Variants in RPN2 observed in about 807,000 individuals in gnomAD.
The protein encoded by RPN2 is ribophorin II.
Under a neutral mutation model 71.4 loss-of-function variants are expected in RPN2, and 29 were observed. That is an observed-to-expected ratio of 0.41 (90% confidence interval 0.30 to 0.55). The LOEUF is 0.55. Among genes scored for constraint, RPN2 ranks in the 20% least tolerant of loss-of-function variants. RPN2 has a pLI of 0.35. For synonymous variants in RPN2, 308 were observed against 305.0 expected, an observed-to-expected ratio of 1.01 and a Z score of -0.10; for missense variants, 726 against 774.1, an observed-to-expected ratio of 0.94 and a Z score of 0.74.
At chr20:37,235,901 C>T (rs922621322) in intron 15 of RPN2, among the ~76,000 whole-genome samples, 1 of 152,200 alleles carries the variant, frequency 6.6e-6, no homozygotes, top group South Asian at 2.1e-4. Context: ...CCTTCTGCCT[C>T]GGCCTCCCAA....
chr20:37,181,340 C>G (rs560965433), intron 1 of RPN2, among the ~76,000 whole-genome samples: 2 of 152,206 alleles, frequency 1.3e-5, no homozygotes, highest in African/African-American at 4.8e-5. Flanking sequence ...TTTGCTTATT[C>G]CACTCAAGCT....
chr20:37,216,308 C>T (rs191045134), intron 9 of RPN2, among the ~76,000 whole-genome samples: 319 of 152,220 alleles, frequency 2.1e-3, no homozygotes, highest in African/African-American at 7.3e-3. Flanking sequence ...CACCGCACTC[C>T]AGCCTGGGCA....
chr20:37,213,925 T>C, intron 9 of RPN2, 60 bp downstream of exon 9: 1 of 1,200,604 alleles, frequency 8.3e-7, no homozygotes, highest in Non-Finnish European at 1.2e-6. Context: ...ATGGCCAAAT[T>C]GACACAGTAT....
At chr20:37,223,008 A>C (rs1414454408) in intron 9 of RPN2, among the ~76,000 whole-genome samples, 1 of 152,190 alleles carries the variant, frequency 6.6e-6, no homozygotes, top group African/African-American at 2.4e-5. Context: ...TTTTTTCCCC[A>C]CGCTAGATTC....
intron 2 of RPN2, among the ~76,000 whole-genome samples, chr20:37,193,193 C>G (rs2067183929): frequency 6.6e-6 from 1 of 152,122 alleles, no homozygotes; most frequent in African/African-American, 2.4e-5. Flanking sequence ...TAATCTCACT[C>G]TACTCCTTAA....
At chr20:37,218,751 A>T (rs1289205745) in intron 9 of RPN2, among the ~76,000 whole-genome samples, 1 of 152,126 alleles carries the variant, frequency 6.6e-6, no homozygotes. Context: ...CATTTTGTGT[A>T]AATGAAATCA....
chr20:37,235,362 A>G (rs958398808), intron 15 of RPN2, among the ~76,000 whole-genome samples: 1 of 152,136 alleles, frequency 6.6e-6, no homozygotes. Flanking sequence ...ACGTTTTCTC[A>G]TTTGATTATC....
intron 12 of RPN2, 165 bp from the exon 13 acceptor site, chr20:37,229,808 A>C: frequency 1.5e-6 from 1 of 673,868 alleles, no homozygotes. Context: ...TTTTGTTCTT[A>C]AAGTTTTTAC....
chr20:37,204,038 A>G, intron 5 of RPN2, 78 bp downstream of exon 5: 3 of 992,752 alleles, frequency 3.0e-6, no homozygotes, highest in Admixed American at 1.8e-5. Context: ...ATAGCCATGC[A>G]TGATCTGTTA....
At chr20:37,208,219 G>A (rs2067562859) in intron 7 of RPN2, among the ~76,000 whole-genome samples, 1 of 150,794 alleles carries the variant, frequency 6.6e-6, no homozygotes, top group Non-Finnish European at 1.5e-5. Flanking sequence ...GCAGTGAGCC[G>A]AGACTGCACC....
intron 8 of RPN2, among the ~76,000 whole-genome samples, 175 bp from the exon 9 acceptor site, chr20:37,213,585 C>T (rs995485255): frequency 6.6e-6 from 1 of 151,706 alleles, no homozygotes; most frequent in South Asian, 2.1e-4. Flanking sequence ...GAGAACCTGT[C>T]TCAAAATAAA....
intron 12 of RPN2, among the ~76,000 whole-genome samples, chr20:37,229,558 A>G (rs1017824686): frequency 6.6e-6 from 1 of 152,192 alleles, no homozygotes; most frequent in Admixed American, 6.5e-5. Context: ...TGTGGTATTC[A>G]AGACTTCTTT....
chr20:37,198,927 G>A (rs2067316054), intron 3 of RPN2, 123 bp from the exon 4 acceptor site: 1 of 811,756 alleles, frequency 1.2e-6, no homozygotes, highest in Non-Finnish European at 2.1e-6. Context: ...GGGGATTAGA[G>A]GGGGATGAGC....
chr20:37,236,785 G>A, intron 16 of RPN2, 76 bp downstream of exon 16: 1 of 1,467,442 alleles, frequency 6.8e-7, no homozygotes, highest in Non-Finnish European at 9.5e-7. Context: ...TCTTTGAAGG[G>A]TAGGTGGCAA....
At chr20:37,212,745 G>T (rs11086951) in intron 8 of RPN2, among the ~76,000 whole-genome samples, 126,630 of 152,108 alleles carry the variant, frequency 0.83, 53,627 homozygotes, top group African/African-American at 0.96. Context: ...CCTCCGAAAG[G>T]GCCAGGATTA....
intron 2 of RPN2, among the ~76,000 whole-genome samples, chr20:37,189,156 A>G (rs903294946): frequency 2.0e-5 from 3 of 151,850 alleles, no homozygotes; most frequent in Non-Finnish European, 4.4e-5. Context: ...GCTGGTCCTG[A>G]ACTCTTGACC....
At chr20:37,187,923 G>A (rs559231031) in intron 2 of RPN2, among the ~76,000 whole-genome samples, 24 of 152,126 alleles carry the variant, frequency 1.6e-4, no homozygotes, top group Non-Finnish European at 2.8e-4. Flanking sequence ...GATTACACGC[G>A]TGAGCCACTG....
At chr20:37,180,927 T>G (rs1181235523) in intron 1 of RPN2, among the ~76,000 whole-genome samples, 1 of 152,184 alleles carries the variant, frequency 6.6e-6, no homozygotes, top group Non-Finnish European at 1.5e-5. Flanking sequence ...ACTCCTCTGC[T>G]TAGAACTTTC....
chr20:37,241,307 G>T lies in RPN2; in HGVS notation c.1888G>T (p.Ala630Ser), dbSNP rs1339330952. 1.2e-6 allele frequency: 2 copies of T among 1,612,496 alleles called. No individual in the cohort carries two copies. Among genetic ancestry groups the T allele is most frequent in the South Asian group, 2.2e-5 (2 of 90,804 alleles). Residue 630 changes from alanine to serine, a missense_variant, in exon 17 of 17, where the codon GCA becomes TCA. Transcript: ENST00000237530. ...MLAQQAVKRT[A>S]H is the part of the protein sequence containing the mutation. ...TTTGTCTCCATTTTCTTTCAGAACAGCACATTAGTTCCAGAAGAAAGATGG... is the reference window on the plus strand; with the variant it reads ...TTTGTCTCCATTTTCTTTCAGAACATCACATTAGTTCCAGAAGAAAGATGG...
Sources: allele counts gnomAD v4.1 joint callset (sites outside exome capture counted in the v4.1 genomes callset), GRCh38; gene constraint gnomAD v4.1.1; transcripts MANE v1.5; gene names NCBI Gene and HGNC (gene_info 2026-07-23, HGNC 2026-07-21).